Variants in PHLDB2 observed in about 807,000 individuals in gnomAD.
The protein encoded by PHLDB2 is pleckstrin homology-like domain family B member 2.
In PHLDB2, 71 loss-of-function variants were observed where a neutral mutation model predicts 123.6. That is an observed-to-expected ratio of 0.57 (90% CI 0.47 to 0.70). The LOEUF (loss-of-function observed/expected upper bound fraction) is 0.70. Ranked by LOEUF, PHLDB2 falls within the 30% of genes least tolerant of loss-of-function variation. The pLI, the probability that PHLDB2 is intolerant of heterozygous loss-of-function variation, is 0.00. For missense variants in PHLDB2, 1,446 were observed against 1,519.5 expected (o/e 0.95, Z 0.80); for synonymous variants, 547 against 541.6 (o/e 1.01, Z -0.14).
chr3:111,881,153 T>A lies in PHLDB2; in HGVS notation c.-14-2911T>A, dbSNP rs531707597. Among the ~76,000 whole-genome samples, 11 of 152,340 alleles carry A rather than the reference T, an allele frequency of 7.2e-5. No individual in the cohort carries two copies. The East Asian group carries it at 2.1e-3, about 29-fold the overall frequency. On this transcript the variant is annotated intron_variant, in intron 1 of 17. Coordinates refer to ENST00000431670, the MANE Select transcript of PHLDB2 (RefSeq NM_001134438.2). ...TTCATACCTGCTGGCATAGCTGCAGTGACAACTTCACAATTTTCCTTTTCT... is the reference window on the plus strand; with the variant it reads ...TTCATACCTGCTGGCATAGCTGCAGAGACAACTTCACAATTTTCCTTTTCT...
At position 111,801,988 on chromosome 3, in the gene PHLDB2, C is replaced by G. The variant is rs529692242; in HGVS notation, c.-48-43833C>G. ...ATCACAAATATCATCAAATTCTAGA[C>G]TTTATAAAGGGTGGATATTATAGTA... On this transcript the variant is annotated intron_variant, in intron 1 of 17. Transcript: ENST00000393923. Among the ~76,000 whole-genome samples the G allele has an allele frequency of 8.5e-4, 129 of 152,216 alleles. 2 individuals are homozygous for G. The South Asian group carries it at 0.026, about 31-fold the overall frequency.
chr3:111,859,238 T>TA (rs1465760420), upstream of PHLDB2: 1 of 983,154 alleles, frequency 1.0e-6, no homozygotes, highest in Non-Finnish European at 1.2e-6. Flanking sequence ...TTTCAGCTCT[T>TA]AAAAAAAGCC....
At chr3:111,848,967 TATG>T (rs2064133257) in intron 2 of PHLDB2, among the ~76,000 whole-genome samples, 1 of 152,220 alleles carries the variant, frequency 6.6e-6, no homozygotes, top group Non-Finnish European at 1.5e-5. Context: ...AAGTGGACTC[TATG>T]ATGTTTGCAT....
intron 1 of PHLDB2, among the ~76,000 whole-genome samples, chr3:111,747,176 A>T (rs964842538): frequency 2.0e-5 from 3 of 152,198 alleles, no homozygotes; most frequent in Non-Finnish European, 4.4e-5. Flanking sequence ...ATTTATTCTT[A>T]TGAGTATTAA....
intron 2 of PHLDB2, among the ~76,000 whole-genome samples, chr3:111,898,573 G>A (rs1446437626): frequency 1.3e-5 from 2 of 152,206 alleles, no homozygotes; most frequent in Non-Finnish European, 2.9e-5. Flanking sequence ...ATGCAACGCT[G>A]TTTGGTTGCG....
chr3:111,791,673 A>T (rs2060933454), intron 1 of PHLDB2, among the ~76,000 whole-genome samples: 2 of 151,984 alleles, frequency 1.3e-5, no homozygotes, highest in Non-Finnish European at 2.9e-5. Context: ...TCTTTTTTTT[A>T]CATTCTAAAT....
At chr3:111,848,517 C>T (rs1032466002) in intron 2 of PHLDB2, among the ~76,000 whole-genome samples, 3 of 152,226 alleles carry the variant, frequency 2.0e-5, no homozygotes, top group African/African-American at 7.2e-5. Flanking sequence ...TTGACCCCCC[C>T]AAACAGCACT....
intron 1 of PHLDB2, among the ~76,000 whole-genome samples, chr3:111,740,846 G>A (rs2059590761): frequency 6.7e-6 from 1 of 150,232 alleles, no homozygotes; most frequent in Non-Finnish European, 1.5e-5. Flanking sequence ...GATTATCAAT[G>A]TCAAACTTAA....
intron 2 of PHLDB2, among the ~76,000 whole-genome samples, chr3:111,849,460 T>C (rs897543249): frequency 3.3e-5 from 5 of 152,212 alleles, no homozygotes; most frequent in Admixed American, 6.5e-5. Context: ...CATGAGCCAC[T>C]GTGCCAGGCC....
chr3:111,864,521 C>A (rs929374483), intron 1 of PHLDB2, among the ~76,000 whole-genome samples: 1 of 152,164 alleles, frequency 6.6e-6, no homozygotes, highest in East Asian at 1.9e-4. Context: ...TTAGACATTG[C>A]AGAAAAGGAG....
intron 2 of PHLDB2, chr3:111,885,769 A>T (rs1433715089): frequency 1.7e-6 from 1 of 593,034 alleles, no homozygotes; most frequent in African/African-American, 1.9e-5. Flanking sequence ...TATTATTTAT[A>T]TCATTAAATT....
At position 111,780,607 on chromosome 3, in the gene PHLDB2, C is replaced by T. The variant is rs1387367552; in HGVS notation, c.-49+47904C>T. On this transcript the variant is annotated intron_variant, in intron 1 of 17. Transcript: ENST00000393923. ...TGGTATTCCATTATAGCGACAGAAA[C>T]CTGCTAAGACTAAGACAGCATCTCA... Among the ~76,000 whole-genome samples the T allele has an allele frequency of 2.0e-5, 3 of 151,790 alleles. No homozygotes were observed. In the East Asian group the frequency reaches 5.8e-4, roughly 29 times the overall value.
upstream of PHLDB2, among the ~76,000 whole-genome samples, chr3:111,854,725 A>C (rs1222902859): frequency 6.6e-6 from 1 of 152,236 alleles, no homozygotes; most frequent in Non-Finnish European, 1.5e-5. Flanking sequence ...ACTCCCAAAG[A>C]CCACAGAAGC....
intron 1 of PHLDB2, among the ~76,000 whole-genome samples, chr3:111,830,066 T>C (rs1413253329): frequency 1.3e-5 from 2 of 152,016 alleles, no homozygotes; most frequent in Non-Finnish European, 2.9e-5. Context: ...TGTAATTTTG[T>C]TTCTCCTATC....
At chr3:111,801,069 A>C (rs60722275) in intron 1 of PHLDB2, among the ~76,000 whole-genome samples, 1 of 152,232 alleles carries the variant, frequency 6.6e-6, no homozygotes, top group Non-Finnish European at 1.5e-5. Flanking sequence ...CTTGTTAAAC[A>C]ACATGAGCTG....
chr3:111,898,387 TG>T (rs1279906044), intron 2 of PHLDB2, among the ~76,000 whole-genome samples: 2 of 152,154 alleles, frequency 1.3e-5, no homozygotes, highest in African/African-American at 4.8e-5. Context: ...TTCACCATGT[TG>T]GCCAGGCTCG....
intron 1 of PHLDB2, among the ~76,000 whole-genome samples, chr3:111,789,314 G>A (rs559014118): frequency 1.3e-5 from 2 of 152,280 alleles, no homozygotes; most frequent in South Asian, 4.1e-4. Context: ...GTAATAATAT[G>A]CTCTCTATGG....
In PHLDB2 at chr3:111,885,363, A is replaced by G. The variant is rs749335252; in HGVS notation, c.1286A>G (p.His429Arg). 3 of 1,614,152 alleles carry G rather than the reference A, an allele frequency of 1.9e-6. No individual in the cohort carries two copies. Among genetic ancestry groups the G allele is most frequent in the Non-Finnish European group, 2.5e-6 (3 of 1,180,028 alleles). The change falls in exon 2 of 18, where the codon CAC (histidine) becomes CGC (arginine). Residue 429 changes from histidine to arginine, a missense_variant. Physicochemically the swap from His to Arg is conservative, Grantham distance 29. Transcript: ENST00000431670. ...ISGRDDLMDYHRRQREERLRE... is the reference protein window; with the variant it reads ...ISGRDDLMDYRRRQREERLRE... ...GGACGTGATGACCTGATGGATTATC[A>G]CCGGCGGCAGAGGGAGGAAAGACTC...
chr3:111,891,499 C>G (rs1416884080), intron 2 of PHLDB2, among the ~76,000 whole-genome samples: 2 of 151,786 alleles, frequency 1.3e-5, no homozygotes, highest in Non-Finnish European at 2.9e-5. Context: ...ATGGGGCCAT[C>G]TAGTTGCAGG....
Sources: gnomAD v4.1 joint callset for allele counts (sites outside exome capture counted in the v4.1 genomes callset) on GRCh38, gnomAD v4.1.1 for gene constraint, MANE v1.5 for transcripts, NCBI Gene and HGNC (gene_info 2026-07-23, HGNC 2026-07-21) for gene names.